Variants in IRAG1 observed in about 807,000 individuals in gnomAD.
IRAG1 encodes the protein inositol 1,4,5-triphosphate receptor associated 1, also known as IP3R-associated cGMP kinase substrate.
In IRAG1, 62 loss-of-function variants were observed where a neutral mutation model predicts 106.2. The ratio of observed to expected loss-of-function variants is 0.58; its 90% confidence interval spans 0.48 to 0.72. The LOEUF (loss-of-function observed/expected upper bound fraction) is 0.72. Among genes scored for constraint, IRAG1 ranks in the 30% least tolerant of loss-of-function variants. The pLI, the probability that IRAG1 is intolerant of heterozygous loss-of-function variation, is 0.00. For missense variants in IRAG1, 1,064 were observed against 1,140.7 expected (o/e 0.93, Z 0.97); for synonymous variants, 462 against 443.9 (o/e 1.04, Z -0.51).
chr11:10,635,083 A>T (rs770549593), intron 2 of IRAG1, among the ~76,000 whole-genome samples: 7 of 152,242 alleles, frequency 4.6e-5, no homozygotes, highest in Non-Finnish European at 8.8e-5. Flanking sequence ...GATTGAGGCC[A>T]GCCTGGCTGG....
chr11:10,654,813 G>T (rs1858793688), intron 1 of IRAG1, among the ~76,000 whole-genome samples: 1 of 152,196 alleles, frequency 6.6e-6, no homozygotes, highest in Non-Finnish European at 1.5e-5. Context: ...GATTAGCTGG[G>T]TGTCTAGTGG....
At chr11:10,691,131 T>G (rs1862023657) in intron 1 of IRAG1, among the ~76,000 whole-genome samples, 1 of 151,292 alleles carries the variant, frequency 6.6e-6, no homozygotes, top group Admixed American at 6.5e-5. Context: ...TTGTGTTCTT[T>G]AGGGTCAAAC....
chr11:10,678,982 G>A (rs1049846057), intron 1 of IRAG1, among the ~76,000 whole-genome samples: 1 of 152,104 alleles, frequency 6.6e-6, no homozygotes, highest in East Asian at 1.9e-4. Context: ...GTCAACCCAA[G>A]AGCTTCCCCT....
At chr11:10,690,739 C>T (rs1010302747) in intron 1 of IRAG1, among the ~76,000 whole-genome samples, 26 of 152,330 alleles carry the variant, frequency 1.7e-4, no homozygotes, top group African/African-American at 6.3e-4. Flanking sequence ...AGTCCACCAC[C>T]TACCAGCTGT....
intron 3 of IRAG1, 81 bp from the exon 4 acceptor site, chr11:10,632,142 T>G: frequency 1.1e-6 from 1 of 890,598 alleles, no homozygotes; most frequent in South Asian, 1.5e-5. Flanking sequence ...TATATTCTTT[T>G]TCTTTTTCTT....
rs188374976 is a variant in IRAG1 at position 10,641,233 on chromosome 11, C to G, written c.226-7162G>C. Among the ~76,000 whole-genome samples the G allele has an allele frequency of 1.1e-3, 166 of 152,334 alleles. 3 individuals are homozygous for G. Among genetic ancestry groups the G allele is most frequent in the Non-Finnish European group, 8.8e-5 (6 of 68,026 alleles). ...CAAGCCTGTGGAAGTGCACCTAGCA[C>G]TGAGCAAATGCTCACTAAGCATTAG... On this transcript the variant is annotated intron_variant, in intron 2 of 20. Transcript: ENST00000423302.
intron 15 of IRAG1, 70 bp from the exon 16 acceptor site, chr11:10,594,265 C>G: frequency 6.9e-7 from 1 of 1,453,786 alleles, no homozygotes; most frequent in Non-Finnish European, 9.5e-7. Flanking sequence ...GAAACAGAAA[C>G]TAGGCTATCG....
intron 1 of IRAG1, among the ~76,000 whole-genome samples, chr11:10,682,134 G>C (rs995071513): frequency 6.6e-6 from 1 of 152,218 alleles, no homozygotes; most frequent in Non-Finnish European, 1.5e-5. Context: ...ATCACAGGAT[G>C]CTGCAAAAAT....
chr11:10,626,521 C>A lies in IRAG1; in HGVS notation c.813G>T (p.Arg271Ser), dbSNP rs763061965. ...CAACTGGAGGAGGACGAGGAGCCAG[C>A]CTGCCCTGAGACACTTTCCTCTGGT... is the stretch of plus-strand genomic sequence containing the variant. ...QNDQRKVSQG[R>S]LAPRPPPVEK... Residue 271 changes from arginine to serine, a missense_variant, in exon 9 of 21, where the codon AGG (arginine) becomes AGT (serine). Arg to Ser is a moderately radical substitution (Grantham distance 110, BLOSUM62 -1). Coordinates refer to ENST00000423302, the MANE Select transcript of IRAG1 (RefSeq NM_130385.4). 1 of 1,613,272 alleles carries A rather than the reference C, an allele frequency of 6.2e-7. No individual in the cohort carries two copies. Among genetic ancestry groups the A allele is most frequent in the Non-Finnish European group, 8.5e-7 (1 of 1,179,560 alleles).
intron 15 of IRAG1, among the ~76,000 whole-genome samples, chr11:10,598,786 T>C (rs1853613045): frequency 6.6e-6 from 1 of 152,188 alleles, no homozygotes; most frequent in Non-Finnish European, 1.5e-5. Flanking sequence ...AAGGAAATAA[T>C]CTAAAATGCA....
chr11:10,614,615 C>A (rs1272217845), intron 10 of IRAG1, among the ~76,000 whole-genome samples: 2 of 152,130 alleles, frequency 1.3e-5, no homozygotes, highest in African/African-American at 4.8e-5. Flanking sequence ...TGGAACAGAA[C>A]AAAGCCCTCA....
chr11:10,691,311 G>A (rs1862039723), intron 1 of IRAG1, among the ~76,000 whole-genome samples: 1 of 152,256 alleles, frequency 6.6e-6, no homozygotes, highest in Admixed American at 6.5e-5. Context: ...GTGAGGAACG[G>A]GATAAGGTCT....
At chr11:10,615,395 G>C (rs1210848402) in intron 10 of IRAG1, among the ~76,000 whole-genome samples, 16 of 152,200 alleles carry the variant, frequency 1.1e-4, no homozygotes, top group African/African-American at 3.9e-4. Flanking sequence ...GGATCTAGAA[G>C]TAGAAATACC....
rs750595774 is a variant in IRAG1 at position 10,652,038 on chromosome 11, C to T, written c.212G>A (p.Ser71Asn). 1.3e-6 allele frequency: 2 copies of T among 1,578,094 alleles called. No individual in the cohort carries two copies. The highest frequency in any genetic ancestry group is 8.6e-7 in the Non-Finnish European group (1 of 1,163,488). ...EPPGEPQAAQSPAGQGPPAAG... is the reference protein window; with the variant it reads ...EPPGEPQAAQNPAGQGPPAAG... The stretch of plus-strand genomic sequence containing the variant: ...GGGGGCACTTACTTGGCCGGCAGGG[C>T]TCTGGGCTGCCTGTGGCTCTCCGGG... The change falls in exon 2 of 21, where the codon AGC becomes AAC. Residue 71 changes from serine (S) to asparagine (N), a missense_variant. Ser to Asn is a conservative substitution (Grantham distance 46). Transcript: ENST00000423302.
At chr11:10,666,685 T>A (rs1216917911) in intron 1 of IRAG1, among the ~76,000 whole-genome samples, 1 of 152,216 alleles carries the variant, frequency 6.6e-6, no homozygotes, top group African/African-American at 2.4e-5. Context: ...TTAAGCTGAG[T>A]CATTCTCGTG....
chr11:10,616,602 A>G (rs1343014526), intron 10 of IRAG1, among the ~76,000 whole-genome samples: 1 of 152,218 alleles, frequency 6.6e-6, no homozygotes, highest in African/African-American at 2.4e-5. Context: ...CATTTTTTAT[A>G]CTTTTAGAAA....
chr11:10,594,033 G>T, intron 16 of IRAG1, 113 bp downstream of exon 16: 2 of 1,024,712 alleles, frequency 2.0e-6, no homozygotes, highest in Non-Finnish European at 2.9e-6. Context: ...TAGAAACTCT[G>T]TTCAGAGATT....
At chr11:10,691,960 G>C (rs1450291950) in intron 1 of IRAG1, among the ~76,000 whole-genome samples, 7 of 152,200 alleles carry the variant, frequency 4.6e-5, no homozygotes, top group Non-Finnish European at 1.0e-4. Flanking sequence ...AGCTGTGGGA[G>C]TCATGAGTTA....
chr11:10,581,255 C>T (rs1228475588), intron 19 of IRAG1, among the ~76,000 whole-genome samples: 4 of 152,250 alleles, frequency 2.6e-5, no homozygotes, highest in Middle Eastern at 3.4e-3. Context: ...GGTTCTGTGC[C>T]AGTGGGAAGC....
Sources: gnomAD v4.1 joint callset for allele counts (sites outside exome capture counted in the v4.1 genomes callset) on GRCh38, gnomAD v4.1.1 for gene constraint, MANE v1.5 for transcripts, NCBI Gene and HGNC (gene_info 2026-07-23, HGNC 2026-07-21) for gene names.